The following SPATA6 variants were observed in gnomAD, a reference collection of about 807,000 sequenced individuals.
The protein encoded by SPATA6 is spermatogenesis associated 6.
In SPATA6, 56 loss-of-function variants were observed where a neutral mutation model predicts 65.3. The ratio of observed to expected loss-of-function variants is 0.86; its 90% CI spans 0.69 to 1.07. SPATA6 has a LOEUF of 1.07. Ranked by LOEUF, SPATA6 falls within the 50% of genes least tolerant of loss-of-function variation. The pLI is 0.00. For missense variants in SPATA6, 590 were observed against 594.8 expected, an observed-to-expected ratio of 0.99 and a Z score of 0.08; for synonymous variants, 199 against 213.2, an observed-to-expected ratio of 0.93 and a Z score of 0.58.
intron 9 of SPATA6, among the ~76,000 whole-genome samples, chr1:48,367,131 T>C (rs1207343351): frequency 6.6e-6 from 1 of 152,236 alleles, no homozygotes; most frequent in East Asian, 1.9e-4. Flanking sequence ...AATCCTGAGT[T>C]CTAGTTTGAT....
intron 11 of SPATA6, among the ~76,000 whole-genome samples, chr1:48,345,353 G>C (rs1051685916): frequency 6.6e-6 from 1 of 152,048 alleles, no homozygotes. Context: ...GTGTTAATAG[G>C]TAAATTTATA....
chr1:48,418,110 G>T (rs2148007545), intron 3 of SPATA6, among the ~76,000 whole-genome samples: 1 of 152,136 alleles, frequency 6.6e-6, no homozygotes, highest in African/African-American at 2.4e-5. Flanking sequence ...GTCTGTACAG[G>T]TAATTTAAAA....
At chr1:48,366,740 A>C (rs1267023831) in intron 9 of SPATA6, among the ~76,000 whole-genome samples, 1 of 152,112 alleles carries the variant, frequency 6.6e-6, no homozygotes, top group Non-Finnish European at 1.5e-5. Flanking sequence ...TCTTTTCAAA[A>C]AACCAGCTCC....
rs1418312476 is a variant in SPATA6 at position 48,298,717 on chromosome 1, A to C, written c.1463T>G (p.Phe488Cys). ...TGAGGTTTATCATGGATGGTCTCAG[A>C]AGCTTTCCTGTGTATGTGAAGCAGA... is the stretch of plus-strand genomic sequence containing the variant. ...CSSASHTQES[F>C] Residue 488 changes from phenylalanine (F) to cysteine (C), a missense_variant, in exon 13 of 13, where the codon TTC (phenylalanine) becomes TGC (cysteine). By Grantham distance (205) the Phe-to-Cys change is radical. Coordinates refer to ENST00000371847, the MANE Select transcript of SPATA6 (RefSeq NM_019073.4). 1 of 1,611,552 alleles carries C rather than the reference A, an allele frequency of 6.2e-7. No homozygotes were observed. Among genetic ancestry groups the C allele is most frequent in the Admixed American group, 1.7e-5 (1 of 59,630 alleles).
chr1:48,369,373 C>T (rs1446946647), intron 9 of SPATA6, among the ~76,000 whole-genome samples: 1 of 152,192 alleles, frequency 6.6e-6, no homozygotes, highest in Non-Finnish European at 1.5e-5. Context: ...TGCCCTGCCC[C>T]CAGAGGTGGA....
chr1:48,305,929 A>C (rs374391771), intron 11 of SPATA6, 51 bp from the exon 12 acceptor site: 14 of 1,349,218 alleles, frequency 1.0e-5, no homozygotes, highest in African/African-American at 5.8e-5. Context: ...TGTCCCCAAA[A>C]TGATGCATAT....
chr1:48,317,006 A>G (rs555090745), intron 11 of SPATA6, among the ~76,000 whole-genome samples: 4 of 152,178 alleles, frequency 2.6e-5, no homozygotes, highest in Non-Finnish European at 4.4e-5. Context: ...TTAGAATGGC[A>G]ATCATTAAAA....
intron 11 of SPATA6, among the ~76,000 whole-genome samples, chr1:48,319,361 T>C (rs1433862152): frequency 6.6e-6 from 1 of 152,150 alleles, no homozygotes; most frequent in Non-Finnish European, 1.5e-5. Flanking sequence ...AACCTTATTA[T>C]CTAAGATGGG....
chr1:48,313,822 T>A (rs1000777608), intron 11 of SPATA6, among the ~76,000 whole-genome samples: 1 of 151,990 alleles, frequency 6.6e-6, no homozygotes, highest in Non-Finnish European at 1.5e-5. Flanking sequence ...GAGACACACA[T>A]AGGCTCAAAA....
chr1:48,379,282 T>C (rs1283138411), intron 9 of SPATA6, among the ~76,000 whole-genome samples: 3 of 151,906 alleles, frequency 2.0e-5, no homozygotes, highest in Non-Finnish European at 4.4e-5. Flanking sequence ...AAGGGGGAAA[T>C]TGCCTTCATG....
At chr1:48,465,678 A>G (rs890230886) in intron 1 of SPATA6, among the ~76,000 whole-genome samples, 1 of 152,152 alleles carries the variant, frequency 6.6e-6, no homozygotes, top group African/African-American at 2.4e-5. Flanking sequence ...TATACACAGA[A>G]TCTATGTGAA....
At chr1:48,294,569 T>C (rs1294449220), downstream of SPATA6, among the ~76,000 whole-genome samples, 7 of 152,252 alleles carry the variant, frequency 4.6e-5, no homozygotes, top group Admixed American at 4.6e-4. Flanking sequence ...TTTATCTGAC[T>C]TCAAAATGTG....
At chr1:48,357,094 G>C (rs1302763813) in intron 10 of SPATA6, among the ~76,000 whole-genome samples, 2 of 152,016 alleles carry the variant, frequency 1.3e-5, no homozygotes, top group Non-Finnish European at 2.9e-5. Flanking sequence ...TCTGTGCTGT[G>C]GAATAAGGAA....
chr1:48,377,224 C>T (rs2148875755), intron 9 of SPATA6, among the ~76,000 whole-genome samples: 1 of 152,120 alleles, frequency 6.6e-6, no homozygotes, highest in East Asian at 1.9e-4. Flanking sequence ...CTCGCCATGT[C>T]ACCTTGCTAT....
chr1:48,436,461 C>A (rs1181009366), intron 3 of SPATA6: 4 of 1,607,152 alleles, frequency 2.5e-6, no homozygotes, highest in Non-Finnish European at 2.6e-6. Flanking sequence ...GAAACATTAT[C>A]TTTGGAGCTG....
intron 3 of SPATA6, among the ~76,000 whole-genome samples, chr1:48,416,465 G>GT (rs1652796904): frequency 1.3e-5 from 2 of 152,256 alleles, no homozygotes; most frequent in South Asian, 2.1e-4. Context: ...ACTCACATAT[G>GT]TATGTGTGCA....
intron 11 of SPATA6, among the ~76,000 whole-genome samples, chr1:48,318,966 C>T (rs764650824): frequency 6.6e-6 from 1 of 152,122 alleles, no homozygotes; most frequent in South Asian, 2.1e-4. Context: ...TAAACCCATA[C>T]ATTTATAGTC....
At chr1:48,418,233 G>A (rs769012098) in intron 3 of SPATA6, among the ~76,000 whole-genome samples, 1 of 151,986 alleles carries the variant, frequency 6.6e-6, no homozygotes, top group Admixed American at 6.6e-5. Context: ...AATACATCAT[G>A]CTTCTTCTAA....
chr1:48,317,298 C>T (rs895996779), intron 11 of SPATA6, among the ~76,000 whole-genome samples: 5 of 152,122 alleles, frequency 3.3e-5, no homozygotes, highest in Non-Finnish European at 7.3e-5. Context: ...CAATGATAGA[C>T]TGGATTAAGA....
Sources: gnomAD v4.1 joint callset for allele counts (sites outside exome capture counted in the v4.1 genomes callset) on GRCh38, gnomAD v4.1.1 for gene constraint, MANE v1.5 for transcripts, NCBI Gene and HGNC (gene_info 2026-07-23, HGNC 2026-07-21) for gene names.